TGFBR3: variants seen among roughly 807,000 people sequenced by gnomAD.
TGFBR3 encodes transforming growth factor beta receptor 3.
A neutral mutation model predicts 87.9 loss-of-function variants in TGFBR3; 46 were observed. The ratio of observed to expected loss-of-function variants is 0.52; its 90% CI spans 0.41 to 0.67. TGFBR3 has a LOEUF of 0.67. Among genes scored for constraint, TGFBR3 ranks in the 30% least tolerant of loss-of-function variants. TGFBR3 has a pLI of 0.00. For synonymous variants in TGFBR3, 381 were observed against 391.6 expected (o/e 0.97, Z 0.32); for missense variants, 866 against 1,041.9 (o/e 0.83, Z 2.32).
At position 91,716,726 on chromosome 1, in the gene TGFBR3, C is replaced by T; in HGVS notation, c.1567-18G>A. Reference sequence around the variant, plus strand: ...ATCACAATCTAAAAGGCAAAGAAAGCACAGCCAATGTTATAAAAACACCAA... The same window carrying T: ...ATCACAATCTAAAAGGCAAAGAAAGTACAGCCAATGTTATAAAAACACCAA... On this transcript the variant is annotated intron_variant, in intron 10 of 16. Transcript: ENST00000212355. 6.2e-7 allele frequency: 1 copy of T among 1,614,066 alleles called. No individual in the cohort carries two copies. The highest frequency in any genetic ancestry group is 2.2e-5 in the East Asian group (1 of 44,884).
Position 91,682,147 on chromosome 1 carries a change from T to C in TGFBR3, c.*1592A>G, listed in dbSNP as rs1670929978. 1 of 453,978 alleles carries C rather than the reference T, an allele frequency of 2.2e-6. No individual in the cohort carries two copies. Among genetic ancestry groups the C allele is most frequent in the African/African-American group, 2.0e-5 (1 of 50,006 alleles). 28.1% of individuals were successfully genotyped at this position (453,978 alleles called of 1,614,324 possible). ...TGATTGTCAATTTCCACATACTTGT[T>C]TCCCATGTAGACACTGCCCTAAGGT... On this transcript the variant is annotated 3_prime_UTR_variant, in exon 17 of 17. Transcript: ENST00000212355.
In TGFBR3 at chr1:91,697,472, C is replaced by T. The variant is rs1201881446; in HGVS notation, c.2329+617G>A. Among the ~76,000 whole-genome samples, 4 of 152,128 alleles carry T rather than the reference C, an allele frequency of 2.6e-5. No individual in the cohort carries two copies. The East Asian group carries it at 7.7e-4, about 29-fold the overall frequency. ...GCTCTGGGTGGACAGCTGGGAAGTCCAGGTTGAAGTCCTGCCTCAATGCCA... is the reference window on the plus strand; with the variant it reads ...GCTCTGGGTGGACAGCTGGGAAGTCTAGGTTGAAGTCCTGCCTCAATGCCA... On this transcript the variant is annotated intron_variant, in intron 15 of 16. Coordinates refer to ENST00000212355, the MANE Select transcript of TGFBR3 (RefSeq NM_003243.5).
intron 1 of TGFBR3, among the ~76,000 whole-genome samples, chr1:91,873,491 T>A (rs1226234513): frequency 6.6e-6 from 1 of 151,674 alleles, no homozygotes; most frequent in East Asian, 1.9e-4. Context: ...TTTACCATGT[T>A]GGCCAGGCTG....
At chr1:91,835,074 A>C (rs2634034) in intron 2 of TGFBR3, among the ~76,000 whole-genome samples, 20,126 of 152,188 alleles carry the variant, frequency 0.13, 1,688 homozygotes, top group East Asian at 0.38. Context: ...GGGGGCCCAG[A>C]GACCCAGCCA....
intron 4 of TGFBR3, among the ~76,000 whole-genome samples, chr1:91,742,297 G>A (rs899178034): frequency 1.3e-5 from 2 of 152,146 alleles, no homozygotes; most frequent in African/African-American, 4.8e-5. Flanking sequence ...CACCTCGAGG[G>A]CCAAGAAAAA....
chr1:91,762,597 C>A (rs1043728141), intron 3 of TGFBR3, among the ~76,000 whole-genome samples: 3 of 152,206 alleles, frequency 2.0e-5, no homozygotes, highest in South Asian at 2.1e-4. Flanking sequence ...CCTGTTCTAA[C>A]CATGCTGGTT....
chr1:91,735,394 T>C (rs1454819059), intron 4 of TGFBR3, among the ~76,000 whole-genome samples: 1 of 152,206 alleles, frequency 6.6e-6, no homozygotes, highest in African/African-American at 2.4e-5. Context: ...ATCACGACTT[T>C]CAGGTCTTCC....
At chr1:91,727,021 G>GT (rs1312865250) in intron 7 of TGFBR3, among the ~76,000 whole-genome samples, 1 of 152,200 alleles carries the variant, frequency 6.6e-6, no homozygotes, top group African/African-American at 2.4e-5. Context: ...GCTAAGCCTT[G>GT]TGCGTACATC....
chr1:91,905,638 C>T (rs975048875), intron 1 of TGFBR3, among the ~76,000 whole-genome samples: 1 of 152,006 alleles, frequency 6.6e-6, no homozygotes, highest in African/African-American at 2.4e-5. Flanking sequence ...TTCGCTGATC[C>T]ACCCGCCTCG....
intron 4 of TGFBR3, among the ~76,000 whole-genome samples, chr1:91,752,991 A>C (rs1421783299): frequency 6.7e-6 from 1 of 149,472 alleles, no homozygotes; most frequent in African/African-American, 2.5e-5. Context: ...CATGCCACTG[A>C]ACTCTAGCTT....
At chr1:91,905,009 A>G (rs929200370) in intron 1 of TGFBR3, among the ~76,000 whole-genome samples, 2 of 152,068 alleles carry the variant, frequency 1.3e-5, no homozygotes, top group African/African-American at 4.8e-5. Context: ...CAGATTCTTT[A>G]CCTGTAAAAA....
intron 16 of TGFBR3, among the ~76,000 whole-genome samples, chr1:91,688,274 C>T (rs1188676101): frequency 2.0e-5 from 3 of 152,116 alleles, no homozygotes; most frequent in Non-Finnish European, 4.4e-5. Flanking sequence ...GGTATCTTCC[C>T]TGCCTTTGTG....
chr1:91,716,296 G>T lies in TGFBR3; in HGVS notation c.1806C>A (p.Leu602=). Residue 602 remains leucine (L), a synonymous_variant, in exon 12 of 17, where the codon CTC becomes CTA. Transcript: ENST00000212355. ...TFNMELYNTD[L]FLVPSQGVFS... Reference sequence around the variant, plus strand: ...AGACGCCCTGGGAGGGCACCAAAAAGAGGTCAGTGTTGTATAGCTCCATGT... The same window carrying T: ...AGACGCCCTGGGAGGGCACCAAAAATAGGTCAGTGTTGTATAGCTCCATGT... The T allele has an allele frequency of 6.2e-7, 1 of 1,614,186 alleles. No homozygotes were observed. The highest frequency in any genetic ancestry group is 8.5e-7 in the Non-Finnish European group (1 of 1,180,034).
chr1:91,716,904 C>T (rs1672196135), intron 10 of TGFBR3, among the ~76,000 whole-genome samples, 196 bp from the exon 11 acceptor site: 2 of 152,186 alleles, frequency 1.3e-5, no homozygotes, highest in African/African-American at 2.4e-5. Context: ...AAACCCAATG[C>T]AGGTTCAAGT....
rs200656513 is a variant in TGFBR3, at chr1:91,855,726, C to T, written c.61+5745G>A. ...AGTAATGTTATAACACAAGTATAGA[C>T]GAGTTTTTAAAGCAAAACTTAGACT... On this transcript the variant is annotated intron_variant, in intron 2 of 16. Coordinates refer to ENST00000212355, the MANE Select transcript of TGFBR3 (RefSeq NM_003243.5). Among the ~76,000 whole-genome samples, 14 of 152,222 alleles carry T rather than the reference C, an allele frequency of 9.2e-5. No individual in the cohort carries two copies. In the East Asian group the frequency reaches 2.5e-3, roughly 27 times the overall value.
intron 3 of TGFBR3, among the ~76,000 whole-genome samples, chr1:91,761,367 G>A (rs1673957368): frequency 6.6e-6 from 1 of 152,136 alleles, no homozygotes; most frequent in African/African-American, 2.4e-5. Flanking sequence ...GAGCTTTCCT[G>A]GAAACAGCTC....
intron 1 of TGFBR3, among the ~76,000 whole-genome samples, chr1:91,873,802 T>A (rs1052358458): frequency 1.4e-4 from 22 of 152,154 alleles, no homozygotes; most frequent in African/African-American, 5.1e-4. Flanking sequence ...CAAAAAAAAT[T>A]GGCTGGGCCT....
intron 2 of TGFBR3, among the ~76,000 whole-genome samples, chr1:91,830,455 T>G (rs955882798): frequency 2.0e-5 from 3 of 152,150 alleles, no homozygotes; most frequent in Admixed American, 2.0e-4. Flanking sequence ...TTCATTTTCA[T>G]AAACAAAGCC....
chr1:91,820,293 C>G (rs543494040), intron 2 of TGFBR3, among the ~76,000 whole-genome samples: 1 of 152,280 alleles, frequency 6.6e-6, no homozygotes, highest in African/African-American at 2.4e-5. Flanking sequence ...TGTAAATACA[C>G]CTACTGTACT....
Sources: gnomAD v4.1 joint callset for allele counts (sites outside exome capture counted in the v4.1 genomes callset) on GRCh38, gnomAD v4.1.1 for gene constraint, MANE v1.5 for transcripts, NCBI Gene and HGNC (gene_info 2026-07-23, HGNC 2026-07-21) for gene names.